DYNC2I1: variants seen among roughly 807,000 people sequenced by gnomAD.
The protein encoded by DYNC2I1 is dynein 2 intermediate chain 1.
A neutral mutation model predicts 133.4 loss-of-function variants in DYNC2I1; 89 were observed. That is an observed-to-expected ratio of 0.67 (90% CI 0.56 to 0.80). The LOEUF is 0.80. DYNC2I1 is among the 30% of genes least tolerant of loss of function. The pLI, the probability that DYNC2I1 is intolerant of heterozygous loss-of-function variation, is 0.00. For synonymous variants in DYNC2I1, 504 were observed against 484.3 expected, an observed-to-expected ratio of 1.04 and a Z score of -0.54; for missense variants, 1,291 against 1,314.5, an observed-to-expected ratio of 0.98 and a Z score of 0.28.
At chr7:158,929,624 G>A (rs150230416) in intron 20 of DYNC2I1, among the ~76,000 whole-genome samples, 261 of 152,376 alleles carry the variant, frequency 1.7e-3, no homozygotes, top group African/African-American at 6.1e-3. Context: ...TGACTGGCAG[G>A]AGATACGCAG....
intron 20 of DYNC2I1, among the ~76,000 whole-genome samples, chr7:158,927,396 TTG>T (rs66728259): frequency 0.15 from 22,173 of 145,830 alleles, 1,813 homozygotes; most frequent in Non-Finnish European, 0.17. Context: ...GAATGAGACC[TTG>T]TCTCTCTGTT....
At chr7:158,881,393 C>T (rs554547844) in intron 5 of DYNC2I1, among the ~76,000 whole-genome samples, 31 of 152,284 alleles carry the variant, frequency 2.0e-4, no homozygotes, top group Non-Finnish European at 3.4e-4. Context: ...TTAGTTGAGG[C>T]GGTCACTGAG....
At chr7:158,866,142 C>T (rs1240706913) in intron 1 of DYNC2I1, among the ~76,000 whole-genome samples, 1 of 152,148 alleles carries the variant, frequency 6.6e-6, no homozygotes, top group Non-Finnish European at 1.5e-5. Context: ...TTGTGACATA[C>T]TTACTTTTCA....
chr7:158,879,237 T>A (rs1843743289), intron 4 of DYNC2I1, among the ~76,000 whole-genome samples: 1 of 152,030 alleles, frequency 6.6e-6, no homozygotes, highest in Admixed American at 6.6e-5. Context: ...ACAGTGGAAT[T>A]GAGGAGTGAA....
At chr7:158,921,650 T>G (rs1350468327) in intron 15 of DYNC2I1, among the ~76,000 whole-genome samples, 1 of 152,004 alleles carries the variant, frequency 6.6e-6, no homozygotes, top group African/African-American at 2.4e-5. Context: ...GACCCAAGCA[T>G]GGATGGTGTG....
chr7:158,907,481 C>G (rs1846954080), intron 11 of DYNC2I1, among the ~76,000 whole-genome samples: 1 of 152,070 alleles, frequency 6.6e-6, no homozygotes, highest in Non-Finnish European at 1.5e-5. Context: ...AGTGGGGGAT[C>G]TTGGAATGTG....
At chr7:158,882,901 A>G (rs1844188491) in intron 5 of DYNC2I1, among the ~76,000 whole-genome samples, 1 of 151,728 alleles carries the variant, frequency 6.6e-6, no homozygotes, top group African/African-American at 2.4e-5. Flanking sequence ...AGGAAAAGAA[A>G]TGAACAGATA....
chr7:158,871,124 T>G lies in DYNC2I1; in HGVS notation c.70-18T>G, dbSNP rs1842833322. On this transcript the variant is annotated intron_variant, in intron 2 of 24. Coordinates refer to ENST00000407559, the MANE Select transcript of DYNC2I1 (RefSeq NM_018051.5). The stretch of plus-strand genomic sequence containing the variant: ...CTGCCTTCCTGGTCACGGAGGACCC[T>G]TTGTTCTCTTGTTTCAGGCCATACA... 6.2e-7 allele frequency: 1 copy of G among 1,601,348 alleles called. No individual in the cohort carries two copies. Among genetic ancestry groups the G allele is most frequent in the African/African-American group, 1.3e-5 (1 of 74,124 alleles).
chr7:158,919,660 C>T (rs1303773694), intron 15 of DYNC2I1, among the ~76,000 whole-genome samples: 2 of 152,186 alleles, frequency 1.3e-5, no homozygotes, highest in Non-Finnish European at 2.9e-5. Context: ...GCATTTCTTC[C>T]GTCCTGCCTG....
At chr7:158,894,132 A>ATACCGCATATCCTACTGCATATCC (rs1845537060) in intron 8 of DYNC2I1, among the ~76,000 whole-genome samples, 5 of 151,072 alleles carry the variant, frequency 3.3e-5, no homozygotes, top group South Asian at 2.1e-4. Flanking sequence ...ACCGCATATC[A>ATACCGCATATCCTACTGCATATCC]TACCGCATAT....
chr7:158,909,529 A>T (rs1285642433), intron 11 of DYNC2I1, among the ~76,000 whole-genome samples: 2 of 152,172 alleles, frequency 1.3e-5, no homozygotes, highest in Admixed American at 1.3e-4. Flanking sequence ...AAAGCATCTT[A>T]CAAAAGAATA....
In DYNC2I1 at chr7:158,885,303, G is replaced by A. The variant is rs114130997; in HGVS notation, c.935+684G>A. ...AAGCAGTGATGATAATTCCTGTCTC[G>A]TGTGGGTTTTGCAATACATAATTGG... On this transcript the variant is annotated intron_variant, in intron 6 of 24. Coordinates refer to ENST00000407559, the MANE Select transcript of DYNC2I1 (RefSeq NM_018051.5). Among the ~76,000 whole-genome samples the A allele has an allele frequency of 6.2e-3, 942 of 151,766 alleles. 9 individuals carry two copies. Among genetic ancestry groups the A allele is most frequent in the South Asian group, 0.04 (190 of 4,792 alleles).
At chr7:158,858,990 C>G (rs1308754035) in intron 1 of DYNC2I1, among the ~76,000 whole-genome samples, 2 of 86,308 alleles carry the variant, frequency 2.3e-5, no homozygotes, top group Admixed American at 1.1e-4. Context: ...CCCCTCCCCC[C>G]CTTTCCTTTC....
chr7:158,939,822 A>C (rs569377796), intron 23 of DYNC2I1, among the ~76,000 whole-genome samples: 1 of 152,344 alleles, frequency 6.6e-6, no homozygotes, highest in African/African-American at 2.4e-5. Context: ...GGCTATACTC[A>C]TGGCAGATAA....
downstream of DYNC2I1, among the ~76,000 whole-genome samples, chr7:158,958,384 C>T (rs1381302440): frequency 2.6e-5 from 4 of 152,244 alleles, no homozygotes; most frequent in African/African-American, 7.2e-5. Flanking sequence ...CTCTCTTCCT[C>T]ACCGTGGCCG....
chr7:158,932,507 T>C (rs1171305317), intron 21 of DYNC2I1, among the ~76,000 whole-genome samples: 5 of 152,144 alleles, frequency 3.3e-5, no homozygotes, highest in African/African-American at 1.2e-4. Flanking sequence ...TCACGAGCTG[T>C]CAGTGGGTCT....
chr7:158,888,814 CA>C (rs1384873482), intron 7 of DYNC2I1, among the ~76,000 whole-genome samples: 2 of 152,134 alleles, frequency 1.3e-5, no homozygotes, highest in Non-Finnish European at 2.9e-5. Context: ...TGTCCGTACA[CA>C]AACATAATTT....
Position 158,887,042 on chromosome 7 carries a change from G to T in DYNC2I1, c.957G>T (p.Arg319Ser), listed in dbSNP as rs1369259220. ...TSSQHAENLV[R>S]NHGKDKDSRR... ...CCAGGCATGCTGAGAATTTAGTAAGGAATCATGGAAAAGATAAAGATTCAA... is the reference window on the plus strand; with the variant it reads ...CCAGGCATGCTGAGAATTTAGTAAGTAATCATGGAAAAGATAAAGATTCAA... The change falls in exon 7 of 25, where the codon AGG (arginine) becomes AGT (serine). Residue 319 changes from arginine to serine, a missense_variant. By Grantham distance (110) the Arg-to-Ser change is moderately radical. Transcript: ENST00000407559. 6.2e-7 allele frequency: 1 copy of T among 1,613,804 alleles called. No individual in the cohort carries two copies. Among genetic ancestry groups the T allele is most frequent in the Non-Finnish European group, 8.5e-7 (1 of 1,179,854 alleles).
chr7:158,875,229 G>T (rs1363978433), intron 3 of DYNC2I1, among the ~76,000 whole-genome samples: 7 of 151,766 alleles, frequency 4.6e-5, no homozygotes, highest in Admixed American at 3.9e-4. Context: ...TGAGTACCTG[G>T]GATTACAGGC....
Sources: allele counts gnomAD v4.1 joint callset (sites outside exome capture counted in the v4.1 genomes callset), GRCh38; gene constraint gnomAD v4.1.1; transcripts MANE v1.5; gene names NCBI Gene and HGNC (gene_info 2026-07-23, HGNC 2026-07-21).